The following VSIG1 variants were observed in gnomAD, a reference collection of about 807,000 sequenced individuals.
The protein encoded by VSIG1 is V-set and immunoglobulin domain-containing protein 1.
In VSIG1, 11 loss-of-function variants were observed where a neutral mutation model predicts 20.1. The observed-to-expected ratio is 0.55, with a 90% CI of 0.34 to 0.91. The LOEUF is 0.91. VSIG1 is among the 40% of genes least tolerant of loss of function. The pLI is 0.02. For synonymous variants in VSIG1, 126 were observed against 116.7 expected, an observed-to-expected ratio of 1.08 and a Z score of -0.52; for missense variants, 283 against 298.8, an observed-to-expected ratio of 0.95 and a Z score of 0.39.
intron 1 of VSIG1, among the ~76,000 whole-genome samples, chrX:108,050,411 G>C (rs2030761028): frequency 8.9e-6 from 1 of 111,833 alleles, no homozygotes; most frequent in Non-Finnish European, 1.9e-5. Context: ...ACAGCATAGA[G>C]AGCGTCTCTT....
chrX:108,052,354 T>C (rs1375684887), intron 1 of VSIG1, among the ~76,000 whole-genome samples: 2 of 111,696 alleles, frequency 1.8e-5, no homozygotes, highest in East Asian at 5.6e-4. Context: ...ATCCCGCCAC[T>C]TTGGGAGGCC....
chrX:108,043,622 G>A (rs1300416801), upstream of VSIG1, among the ~76,000 whole-genome samples: 1 of 111,621 alleles, frequency 9.0e-6, no homozygotes, highest in African/African-American at 3.3e-5. Context: ...AGAGGAGGAA[G>A]AAGAAAACTC....
rs201041878 is a variant in VSIG1, at chrX:108,076,086, T to C, written c.698T>C (p.Val233Ala). Residue 233 changes from valine to alanine, a missense_variant, in exon 6 of 7, where the codon GTT becomes GCT. By Grantham distance (64) the Val-to-Ala change is moderately conservative (BLOSUM62 0). Transcript: ENST00000217957. ...EIDLTSSHPE[V>A]GIIVGALIGS... ...TGCTTGTATCCTTCAGATCCAGAAG[T>C]TGGAATCATTGTTGGGGCCTTGATT... The C allele has an allele frequency of 1.1e-5, 13 of 1,209,316 alleles. No individual in the cohort carries two copies. Among genetic ancestry groups the C allele is most frequent in the African/African-American group, 1.7e-5 (1 of 57,226 alleles).
At position 108,047,869 on chromosome X, in the gene VSIG1, T is replaced by TACACATATATATACAC. The variant is rs2030642494; in HGVS notation, c.49+2703_49+2704insCACACACATATATATA. On this transcript the variant is annotated intron_variant, in intron 1 of 6. Transcript: ENST00000217957. ...ACATATATATATACACATATATATATACACATATATATATATACACACATA... is the reference window on the plus strand; with the variant it reads ...ACATATATATATACACATATATATATACACATATATATACACACACATATATATATATACACACATA... Among the ~76,000 whole-genome samples the TACACATATATATACAC allele has an allele frequency of 5.1e-5, 3 of 58,496 alleles. 1 individual carries two copies. The highest frequency in any genetic ancestry group is 3.4e-4 in the African/African-American group (3 of 8,950). The allele number at this position is 58,496 out of a possible 115,157, so 50.8% of individuals were successfully genotyped here.
upstream of VSIG1, among the ~76,000 whole-genome samples, chrX:108,044,486 C>G (rs1346146932): frequency 8.9e-6 from 1 of 111,747 alleles, no homozygotes; most frequent in African/African-American, 3.3e-5. Context: ...GGTTTCTAAC[C>G]CGACAGACAA....
chrX:108,033,940 C>T, the VSIG1 span, among the ~76,000 whole-genome samples: 1 of 110,161 alleles, frequency 9.1e-6, no homozygotes, highest in East Asian at 2.9e-4. Context: ...TTTTTTAGAT[C>T]GTGAGGCAGA....
chrX:108,026,273 G>A, the VSIG1 span, among the ~76,000 whole-genome samples: 5 of 111,567 alleles, frequency 4.5e-5, no homozygotes, highest in South Asian at 3.8e-4. Flanking sequence ...AAGTTTCATG[G>A]AAGCAATCTG....
At chrX:108,045,228 C>T (rs750385012) in intron 1 of VSIG1, 49 bp downstream of exon 1, 1 of 1,061,259 alleles carries the variant, frequency 9.4e-7, no homozygotes. Flanking sequence ...AACAGAGTTT[C>T]CTTTTAAATA....
In VSIG1 at chrX:108,077,255, C is replaced by T. The variant is rs1569293847; in HGVS notation, c.1038C>T (p.Ile346=). Residue 346 remains isoleucine (I), a synonymous_variant, in exon 7 of 7, where the codon ATC becomes ATT. Transcript: ENST00000217957. ...CTATGGCAGTGCCTGACCTTGACAT[C>T]GAGCTGGAGCTGGAGCCAGAAACGC... ...SEPMAVPDLD[I]ELELEPETQS... 8.3e-6 allele frequency: 10 copies of T among 1,211,723 alleles called. No individual in the cohort carries two copies. The South Asian group carries it at 1.1e-4, about 13-fold the overall frequency.
At chrX:108,046,305 C>T (rs929257984) in intron 1 of VSIG1, among the ~76,000 whole-genome samples, 6 of 111,999 alleles carry the variant, frequency 5.4e-5, no homozygotes, top group African/African-American at 1.9e-4. Context: ...CTCCATTTGT[C>T]CAGTGACCTA....
rs866610765 is a variant in VSIG1, at chrX:108,047,811, T to C, written c.49+2632T>C. Reference sequence around the variant, plus strand: ...CTCTCTATATATATATATATATACATATATATATACATATATATACACATA... The same window carrying C: ...CTCTCTATATATATATATATATACACATATATATACATATATATACACATA... On this transcript the variant is annotated intron_variant, in intron 1 of 6. Coordinates refer to ENST00000217957, the MANE Select transcript of VSIG1 (RefSeq NM_182607.5). Among the ~76,000 whole-genome samples, 53 of 64,076 alleles carry C rather than the reference T, an allele frequency of 8.3e-4. 1 individual carries two copies. The highest frequency in any genetic ancestry group is 5.1e-3 in the Admixed American group (30 of 5,906). The allele number at this position is 64,076 out of a possible 115,157, so 55.6% of individuals were successfully genotyped here. A position where few individuals can be genotyped will look rare whatever the true frequency, so the allele number is the denominator to read the frequency against.
chrX:108,029,295 T>A, the VSIG1 span, among the ~76,000 whole-genome samples: 1 of 112,140 alleles, frequency 8.9e-6, no homozygotes, highest in African/African-American at 3.2e-5. Context: ...TGTCTTTTTC[T>A]CTGCAATATC....
At chrX:108,076,779 C>CT (rs1475615673) in intron 6 of VSIG1, among the ~76,000 whole-genome samples, 25 of 111,858 alleles carry the variant, frequency 2.2e-4, no homozygotes, top group African/African-American at 8.1e-4. Context: ...CCTTAAAGAC[C>CT]TTATTAGATT....
upstream of VSIG1, among the ~76,000 whole-genome samples, chrX:108,040,490 G>A (rs1052019047): frequency 4.5e-5 from 5 of 111,690 alleles, no homozygotes; most frequent in African/African-American, 9.8e-5. Context: ...AACTTCTGGC[G>A]GACAATTTTG....
the VSIG1 span, among the ~76,000 whole-genome samples, chrX:108,030,807 A>C: frequency 9.0e-6 from 1 of 111,586 alleles, no homozygotes; most frequent in Non-Finnish European, 1.9e-5. Context: ...CATTTTGGCT[A>C]CTGTCAGGAC....
At chrX:108,048,001 T>TATATATATATATAC (rs1555980440) in intron 1 of VSIG1, among the ~76,000 whole-genome samples, 1 of 59,543 alleles carries the variant, frequency 1.7e-5, no homozygotes, top group African/African-American at 7.7e-5. Flanking sequence ...TATATATATA[T>TATATATATATATAC]ACACATATAT....
the VSIG1 span, among the ~76,000 whole-genome samples, chrX:108,030,809 T>C: frequency 8.9e-6 from 1 of 111,939 alleles, no homozygotes; most frequent in African/African-American, 3.3e-5. Flanking sequence ...TTTTGGCTAC[T>C]GTCAGGACAG....
At chrX:108,053,284 A>C (rs1170058618) in intron 1 of VSIG1, among the ~76,000 whole-genome samples, 1 of 112,173 alleles carries the variant, frequency 8.9e-6, no homozygotes, top group Non-Finnish European at 1.9e-5. Flanking sequence ...CATATTTGAT[A>C]ATTGAAGCAA....
At chrX:108,031,275 C>T in the VSIG1 span, among the ~76,000 whole-genome samples, 2 of 112,135 alleles carry the variant, frequency 1.8e-5, no homozygotes, top group Admixed American at 9.4e-5. Context: ...AGGCAAAGAC[C>T]TTTCAGTAGG....
Sources: gnomAD v4.1 joint callset for allele counts (sites outside exome capture counted in the v4.1 genomes callset) on GRCh38, gnomAD v4.1.1 for gene constraint, MANE v1.5 for transcripts, NCBI Gene and HGNC (gene_info 2026-07-23, HGNC 2026-07-21) for gene names.